The following ZWILCH variants were observed in gnomAD, a reference collection of about 807,000 sequenced individuals.
The protein encoded by ZWILCH is zwilch kinetochore protein, also known as protein zwilch homolog.
Under a neutral mutation model 79.9 loss-of-function variants are expected in ZWILCH, and 74 were observed. The observed-to-expected ratio is 0.93, with a 90% CI of 0.77 to 1.12. The LOEUF (loss-of-function observed/expected upper bound fraction) is 1.12, where lower values mean the gene tolerates loss of function less well. Ranked by LOEUF, ZWILCH falls within the 50% of genes most tolerant of loss-of-function variation. The pLI is 0.00. For synonymous variants in ZWILCH, 241 were observed against 228.2 expected (o/e 1.06, Z -0.51); for missense variants, 694 against 687.5 (o/e 1.01, Z -0.11).
At chr15:66,507,857 C>T (rs1893886477) in intron 1 of ZWILCH, among the ~76,000 whole-genome samples, 2 of 150,236 alleles carry the variant, frequency 1.3e-5, no homozygotes, top group Middle Eastern at 3.5e-3. Context: ...GGCGTGAACC[C>T]GGGAGGCAGA....
intron 17 of ZWILCH, among the ~76,000 whole-genome samples, chr15:66,544,722 T>TGTGTGTGTGTGTGTG (rs1555426552): frequency 1.3e-4 from 4 of 29,734 alleles, no homozygotes; most frequent in Admixed American, 4.1e-4. Context: ...TTTTTTTGGT[T>TGTGTGTGTGTGTGTG]TTTGTGTGTG....
Position 66,541,269 on chromosome 15 carries a change from A to G in ZWILCH, c.1687+1059A>G, listed in dbSNP as rs1189505601. Among the ~76,000 whole-genome samples the G allele has an allele frequency of 2.6e-5, 4 of 152,100 alleles. No individual in the cohort carries two copies. In the East Asian group the frequency reaches 7.8e-4, roughly 30 times the overall value. ...TACTGCAGTCTAGCTTGGGCAACAG[A>G]GTGTAACCCTGTCTCAGAAACACAC... On this transcript the variant is annotated intron_variant, in intron 17 of 18. Transcript: ENST00000307897.
chr15:66,532,490 C>G, intron 13 of ZWILCH, 87 bp downstream of exon 13: 1 of 1,237,700 alleles, frequency 8.1e-7, no homozygotes, highest in East Asian at 2.6e-5. Context: ...TTCTGCTTGT[C>G]CCTCATCGTC....
At position 66,540,102 on chromosome 15, in the gene ZWILCH, A is replaced by G; in HGVS notation, c.1579A>G (p.Lys527Glu). The change falls in exon 17 of 19, where the codon AAG (lysine) becomes GAG (glutamate). Residue 527 changes from lysine to glutamate, a missense_variant. Coordinates refer to ENST00000307897, the MANE Select transcript of ZWILCH (RefSeq NM_017975.5). ...GTCGTTTTATTCTTTCCTTAGTGAG[A>G]AGCCACAGAAATGGAGAGTGGAAAT... Reference protein sequence around the residue: ...TAVKNLYQSEKPQKWRVEIYS... With the variant: ...TAVKNLYQSEEPQKWRVEIYS... 6.3e-7 allele frequency: 1 copy of G among 1,596,778 alleles called. No homozygotes were observed. Among genetic ancestry groups the G allele is most frequent in the Non-Finnish European group, 8.5e-7 (1 of 1,175,250 alleles).
At chr15:66,515,463 A>G (rs745342776) in intron 3 of ZWILCH, 63 bp from the exon 4 acceptor site, 30 of 964,648 alleles carry the variant, frequency 3.1e-5, no homozygotes, top group Non-Finnish European at 4.4e-5. Flanking sequence ...TAGCATAGTA[A>G]AGAGTCAGCT....
intron 4 of ZWILCH, 85 bp downstream of exon 4, chr15:66,515,729 T>G: frequency 3.0e-5 from 26 of 860,010 alleles, no homozygotes; most frequent in Middle Eastern, 2.9e-4. Context: ...AATAGGCCTC[T>G]AGCCCTTATA....
At chr15:66,541,411 A>G (rs973126720) in intron 17 of ZWILCH, among the ~76,000 whole-genome samples, 2 of 152,146 alleles carry the variant, frequency 1.3e-5, no homozygotes, top group African/African-American at 2.4e-5. Context: ...CTTATCTTGT[A>G]TAGAGGAACT....
At chr15:66,546,052 T>G (rs1442373772) in intron 17 of ZWILCH, among the ~76,000 whole-genome samples, 1 of 151,952 alleles carries the variant, frequency 6.6e-6, no homozygotes, top group Non-Finnish European at 1.5e-5. Context: ...ACCAGTGGAG[T>G]GCTGCTCACC....
chr15:66,525,756 C>CTTTT (rs66835007), intron 8 of ZWILCH, among the ~76,000 whole-genome samples: 47 of 93,474 alleles, frequency 5.0e-4, no homozygotes, highest in South Asian at 7.9e-4. Context: ...TCACATTTTT[C>CTTTT]TTTTTTTTTT....
intron 16 of ZWILCH, among the ~76,000 whole-genome samples, chr15:66,539,234 C>T (rs953390971): frequency 1.2e-4 from 18 of 151,922 alleles, no homozygotes; most frequent in African/African-American, 2.9e-4. Flanking sequence ...GAAACCCTGT[C>T]TCTACAAAAA....
intron 1 of ZWILCH, among the ~76,000 whole-genome samples, chr15:66,505,899 A>G (rs1039495843): frequency 2.6e-5 from 4 of 152,172 alleles, no homozygotes; most frequent in African/African-American, 9.7e-5. Context: ...TTTTATTCTT[A>G]TGGTGAAGTA....
chr15:66,509,167 C>G (rs906290636), intron 2 of ZWILCH, among the ~76,000 whole-genome samples: 4 of 152,138 alleles, frequency 2.6e-5, no homozygotes, highest in Admixed American at 2.0e-4. Context: ...GTCTCGATCT[C>G]CTGACCTCAT....
At chr15:66,543,190 C>CT (rs1235042391) in intron 17 of ZWILCH, among the ~76,000 whole-genome samples, 1 of 152,170 alleles carries the variant, frequency 6.6e-6, no homozygotes, top group African/African-American at 2.4e-5. Flanking sequence ...CGGAGCAAGA[C>CT]TCCATCTCAA....
intron 8 of ZWILCH, 47 bp from the exon 9 acceptor site, chr15:66,527,243 C>T: frequency 7.7e-7 from 1 of 1,294,938 alleles, no homozygotes; most frequent in Non-Finnish European, 1.1e-6. Flanking sequence ...ATTGATTAAA[C>T]AGTGTTTTCT....
chr15:66,514,570 A>G (rs1894187202), intron 3 of ZWILCH: 1 of 153,556 alleles, frequency 6.5e-6, no homozygotes, highest in South Asian at 2.0e-4. Flanking sequence ...CGGCCTCCCA[A>G]AGTGCTGGGA....
At chr15:66,543,602 C>A (rs987180550) in intron 17 of ZWILCH, among the ~76,000 whole-genome samples, 1 of 151,972 alleles carries the variant, frequency 6.6e-6, no homozygotes, top group African/African-American at 2.4e-5. Flanking sequence ...ACAAAAAATA[C>A]AAAAATTAGC....
intron 8 of ZWILCH, among the ~76,000 whole-genome samples, chr15:66,526,851 T>A (rs2140779216): frequency 6.6e-6 from 1 of 152,318 alleles, no homozygotes; most frequent in African/African-American, 2.4e-5. Context: ...ACTTTTTACA[T>A]TTATTCATCC....
intron 4 of ZWILCH, among the ~76,000 whole-genome samples, chr15:66,518,288 CT>C (rs537865347): frequency 0.018 from 2,236 of 123,972 alleles, 30 homozygotes; most frequent in African/African-American, 0.058. Context: ...CCTCTCGTGT[CT>C]TTTTTTTTTT....
intron 2 of ZWILCH, among the ~76,000 whole-genome samples, chr15:66,509,939 G>A (rs1210866286): frequency 1.4e-5 from 2 of 147,172 alleles, no homozygotes; most frequent in African/African-American, 5.0e-5. Flanking sequence ...CACTTTGGGA[G>A]GCTGAGGTGG....
Sources: gnomAD v4.1 joint callset for allele counts (sites outside exome capture counted in the v4.1 genomes callset) on GRCh38, gnomAD v4.1.1 for gene constraint, MANE v1.5 for transcripts, NCBI Gene and HGNC (gene_info 2026-07-23, HGNC 2026-07-21) for gene names.